The following PPP1R9A variants were observed in gnomAD, a reference collection of about 807,000 sequenced individuals.
The protein encoded by PPP1R9A is protein phosphatase 1 regulatory subunit 9A.
A neutral mutation model predicts 141.9 loss-of-function variants in PPP1R9A; 59 were observed. The ratio of observed to expected loss-of-function variants is 0.42; its 90% CI spans 0.34 to 0.52. PPP1R9A has a LOEUF of 0.52. PPP1R9A is among the 20% of genes least tolerant of loss of function. The pLI, the probability that PPP1R9A is intolerant of heterozygous loss-of-function variation, is 0.10. For synonymous variants in PPP1R9A, 500 were observed against 569.7 expected, an observed-to-expected ratio of 0.88 and a Z score of 1.74; for missense variants, 1,444 against 1,611.9, an observed-to-expected ratio of 0.90 and a Z score of 1.78.
chr7:95,148,925 A>G lies in PPP1R9A; in HGVS notation c.1650-12942A>G, dbSNP rs930320288. ...TACAAGAAAAGTAAACTATAGATTAATATCTCTCATGAACATAAATGCAAA... is the reference window on the plus strand; with the variant it reads ...TACAAGAAAAGTAAACTATAGATTAGTATCTCTCATGAACATAAATGCAAA... On this transcript the variant is annotated intron_variant, in intron 4 of 19. Coordinates refer to ENST00000433360, the MANE Select transcript of PPP1R9A (RefSeq NM_001166160.2). Among the ~76,000 whole-genome samples, 6 of 150,782 alleles carry G rather than the reference A, an allele frequency of 4.0e-5. No homozygotes were observed. The East Asian group carries it at 9.6e-4, about 24-fold the overall frequency.
intron 12 of PPP1R9A, among the ~76,000 whole-genome samples, chr7:95,259,343 A>C (rs930229490): frequency 3.3e-5 from 5 of 151,932 alleles, no homozygotes; most frequent in Non-Finnish European, 7.4e-5. Context: ...TTTTATATAA[A>C]TGTTTTAGAC....
chr7:95,268,769 T>C, intron 13 of PPP1R9A, 62 bp downstream of exon 13: 1 of 1,551,150 alleles, frequency 6.4e-7, no homozygotes, highest in Non-Finnish European at 8.7e-7. Flanking sequence ...TCCTACAGCT[T>C]ATTGAAGATT....
intron 2 of PPP1R9A, among the ~76,000 whole-genome samples, chr7:94,923,326 C>A (rs975891636): frequency 6.6e-6 from 1 of 152,092 alleles, no homozygotes; most frequent in Non-Finnish European, 1.5e-5. Context: ...AGTAGTCTTA[C>A]TAAAAATAAT....
intron 2 of PPP1R9A, among the ~76,000 whole-genome samples, chr7:95,044,476 A>G (rs553300110): frequency 6.6e-6 from 1 of 152,132 alleles, no homozygotes; most frequent in Non-Finnish European, 1.5e-5. Flanking sequence ...AAGAGAAAAA[A>G]GCTGAAAATG....
chr7:94,907,362 C>T (rs189035783), upstream of PPP1R9A: 2 of 152,330 alleles, frequency 1.3e-5, no homozygotes, highest in Non-Finnish European at 2.9e-5. Context: ...GTGAAGGCCA[C>T]ACCAGACTTG....
At chr7:95,057,337 A>T (rs1422210848) in intron 2 of PPP1R9A, among the ~76,000 whole-genome samples, 2 of 152,122 alleles carry the variant, frequency 1.3e-5, no homozygotes, top group Non-Finnish European at 2.9e-5. Flanking sequence ...AAGGGGGAAA[A>T]TTTAAATTGT....
intron 5 of PPP1R9A, among the ~76,000 whole-genome samples, chr7:95,185,040 AATTT>A (rs1834425980): frequency 7.1e-6 from 1 of 140,692 alleles, no homozygotes; most frequent in Non-Finnish European, 1.5e-5. Flanking sequence ...TTTTTTTTTT[AATTT>A]ATTTATTTTT....
At chr7:95,230,241 T>C (rs1795735823) in intron 8 of PPP1R9A, among the ~76,000 whole-genome samples, 1 of 152,052 alleles carries the variant, frequency 6.6e-6, no homozygotes, top group South Asian at 2.1e-4. Context: ...TTCTGGTATA[T>C]GACAAAACAA....
At chr7:95,170,716 A>C (rs1463903006) in intron 5 of PPP1R9A, among the ~76,000 whole-genome samples, 4 of 151,568 alleles carry the variant, frequency 2.6e-5, no homozygotes, top group Admixed American at 6.6e-5. Context: ...ATTATAAGAA[A>C]TGTCAGGGGA....
rs1003153498 is a variant in PPP1R9A, at chr7:95,198,546, T to C, written c.1890+62T>C. On this transcript the variant is annotated intron_variant, in intron 6 of 19. Transcript: ENST00000433360. ...TTCTAATTCATGAAACTCTCTCTAC[T>C]GTATAACAGTATGACAGGTTTTATG... 4 of 1,463,210 alleles carry C rather than the reference T, an allele frequency of 2.7e-6. No homozygotes were observed. The African/African-American group carries it at 5.7e-5, about 21-fold the overall frequency. 90.6% of individuals were successfully genotyped at this position (1,463,210 alleles called of 1,614,324 possible). A position where few individuals can be genotyped will look rare whatever the true frequency, so the allele number is the denominator to read the frequency against.
chr7:95,055,217 A>C (rs1811351186), intron 2 of PPP1R9A, among the ~76,000 whole-genome samples: 1 of 152,082 alleles, frequency 6.6e-6, no homozygotes. Context: ...TTATGACTAG[A>C]AGTATTATTA....
At chr7:95,127,159 G>A (rs373573403) in intron 4 of PPP1R9A, among the ~76,000 whole-genome samples, 34 of 151,926 alleles carry the variant, frequency 2.2e-4, no homozygotes, top group African/African-American at 8.2e-4. Context: ...TTTTAAAAAC[G>A]TTAAAGATGG....
chr7:95,276,140 A>G (rs1449987517), intron 16 of PPP1R9A, among the ~76,000 whole-genome samples: 1 of 152,210 alleles, frequency 6.6e-6, no homozygotes, highest in African/African-American at 2.4e-5. Context: ...AGAAACTCAG[A>G]TACTGAAAAT....
At chr7:95,073,610 C>T (rs190065433) in intron 2 of PPP1R9A, among the ~76,000 whole-genome samples, 1 of 147,298 alleles carries the variant, frequency 6.8e-6, no homozygotes, top group African/African-American at 2.5e-5. Flanking sequence ...CAATGCAATA[C>T]CTGAAAGAAA....
At chr7:94,999,297 A>T (rs1407514698) in intron 2 of PPP1R9A, among the ~76,000 whole-genome samples, 3 of 152,168 alleles carry the variant, frequency 2.0e-5, no homozygotes, top group South Asian at 2.1e-4. Flanking sequence ...TAAGAGCTAC[A>T]GTTTAATTCT....
intron 2 of PPP1R9A, among the ~76,000 whole-genome samples, chr7:95,063,190 A>C (rs1483875805): frequency 6.6e-6 from 1 of 152,222 alleles, no homozygotes; most frequent in East Asian, 1.9e-4. Context: ...AAGAGAAAAC[A>C]ATTCCTTTAT....
At chr7:94,987,247 T>A (rs1305561563) in intron 2 of PPP1R9A, among the ~76,000 whole-genome samples, 3 of 152,202 alleles carry the variant, frequency 2.0e-5, no homozygotes, top group Non-Finnish European at 2.9e-5. Flanking sequence ...CATAAAGTAA[T>A]TCATTCTGTT....
At chr7:94,909,365 G>A (rs748743844) in intron 1 of PPP1R9A, among the ~76,000 whole-genome samples, 3 of 152,192 alleles carry the variant, frequency 2.0e-5, no homozygotes, top group Non-Finnish European at 4.4e-5. Context: ...CTTTGGGGAT[G>A]CTGTAGATGA....
At chr7:95,000,049 C>T (rs1018117558) in intron 2 of PPP1R9A, among the ~76,000 whole-genome samples, 4 of 152,042 alleles carry the variant, frequency 2.6e-5, no homozygotes, top group East Asian at 1.9e-4. Context: ...CTGATCTGCT[C>T]GCCTTGGCCT....
Sources: gnomAD v4.1 joint callset for allele counts (sites outside exome capture counted in the v4.1 genomes callset) on GRCh38, gnomAD v4.1.1 for gene constraint, MANE v1.5 for transcripts, NCBI Gene and HGNC (gene_info 2026-07-23, HGNC 2026-07-21) for gene names.